Variants in FAM81A observed in about 807,000 individuals in gnomAD.
The protein encoded by FAM81A is protein FAM81A.
FAM81A carries 19 observed loss-of-function variants against 46.7 expected under a neutral mutation model. The ratio of observed to expected loss-of-function variants is 0.41; its 90% CI spans 0.28 to 0.60. The LOEUF (loss-of-function observed/expected upper bound fraction) is 0.60, where lower values mean the gene tolerates loss of function less well. FAM81A is among the 20% of genes least tolerant of loss of function. The pLI is 0.34. For synonymous variants in FAM81A, 183 were observed against 152.9 expected (o/e 1.20, Z -1.45); for missense variants, 377 against 453.5 (o/e 0.83, Z 1.53).
At chr15:59,478,021 T>C (rs1337406830) in intron 3 of FAM81A, among the ~76,000 whole-genome samples, 1 of 152,206 alleles carries the variant, frequency 6.6e-6, no homozygotes, top group Non-Finnish European at 1.5e-5. Context: ...CTGTCTTTGG[T>C]TTAAGCCGTT....
At chr15:59,412,612 A>C (rs2081126514) in intron 2 of FAM81A, among the ~76,000 whole-genome samples, 1 of 151,884 alleles carries the variant, frequency 6.6e-6, no homozygotes. Flanking sequence ...CTGTAGTCCC[A>C]GCTATTCTGG....
chr15:59,488,321 A>G (rs1422793994), intron 3 of FAM81A, among the ~76,000 whole-genome samples: 1 of 152,226 alleles, frequency 6.6e-6, no homozygotes, highest in African/African-American at 2.4e-5. Context: ...AATATACTAA[A>G]TGGAGAAGAC....
chr15:59,515,016 G>A (rs1199088105), intron 7 of FAM81A, among the ~76,000 whole-genome samples: 5 of 152,088 alleles, frequency 3.3e-5, no homozygotes, highest in South Asian at 2.1e-4. Flanking sequence ...AGGCTGAGGC[G>A]GGAGGATCGC....
chr15:59,444,954 G>A (rs1031704392), intron 1 of FAM81A, among the ~76,000 whole-genome samples: 3 of 152,224 alleles, frequency 2.0e-5, no homozygotes, highest in African/African-American at 4.8e-5. Context: ...ATGGTTTATC[G>A]GAAGGAACAT....
chr15:59,473,992 A>G (rs544498779), intron 3 of FAM81A, among the ~76,000 whole-genome samples: 1 of 152,284 alleles, frequency 6.6e-6, no homozygotes, highest in Admixed American at 6.5e-5. Flanking sequence ...CATTTTAAAT[A>G]CATAATTTCC....
At chr15:59,480,165 T>A (rs566838934) in intron 3 of FAM81A, among the ~76,000 whole-genome samples, 22 of 152,322 alleles carry the variant, frequency 1.4e-4, no homozygotes, top group Middle Eastern at 3.4e-3. Context: ...GAAGGCAATT[T>A]GATATATGAG....
chr15:59,433,699 A>T (rs185916641), upstream of FAM81A, among the ~76,000 whole-genome samples: 295 of 152,362 alleles, frequency 1.9e-3, 2 homozygotes, highest in African/African-American at 6.8e-3. Flanking sequence ...GCAACAAAGA[A>T]ACCGATAAAG....
chr15:59,438,698 C>G (rs1386304262), intron 1 of FAM81A: 1 of 152,236 alleles, frequency 6.6e-6, no homozygotes, highest in Non-Finnish European at 1.5e-5. Flanking sequence ...GCTAGGGGGT[C>G]TTTGCAGTTC....
rs201199979 is a variant in FAM81A at position 59,428,681 on chromosome 15, A to AATGC, written c.-78+26325_-78+26328dup. Among the ~76,000 whole-genome samples, 171 of 123,658 alleles carry AATGC rather than the reference A, an allele frequency of 1.4e-3. 4 individuals carry two copies. The East Asian group carries it at 0.038, about 28-fold the overall frequency. The allele number at this position is 123,658 out of a possible 152,430, so 81.1% of individuals were successfully genotyped here. ...TGTCTCACTCTGTCACCCAGGGTGG[A>AATGC]ATGCAGTGGTACAATCTCGGCTCAT... On this transcript the variant is annotated intron_variant, in intron 2 of 4. Coordinates refer to the FAM81A transcript ENST00000558348.
At chr15:59,408,605 G>A (rs1229313998) in intron 2 of FAM81A, among the ~76,000 whole-genome samples, 1 of 152,144 alleles carries the variant, frequency 6.6e-6, no homozygotes, top group Non-Finnish European at 1.5e-5. Context: ...AAGGCAGGTG[G>A]ATTACGAGGT....
intron 1 of FAM81A, among the ~76,000 whole-genome samples, chr15:59,440,635 C>G (rs1178763632): frequency 6.6e-6 from 1 of 152,124 alleles, no homozygotes; most frequent in African/African-American, 2.4e-5. Flanking sequence ...AAGACTAAAC[C>G]TTTGAGATCT....
chr15:59,486,069 C>G (rs1167980567), intron 3 of FAM81A, among the ~76,000 whole-genome samples: 3 of 152,060 alleles, frequency 2.0e-5, no homozygotes, highest in Non-Finnish European at 4.4e-5. Flanking sequence ...ATCCCAGCTA[C>G]TCAGGAGGCT....
chr15:59,437,665 C>T (rs1455490922), upstream of FAM81A, among the ~76,000 whole-genome samples: 5 of 152,120 alleles, frequency 3.3e-5, no homozygotes, highest in Non-Finnish European at 7.4e-5. Context: ...TGGGGCGTCA[C>T]CGTGGCCTAA....
At chr15:59,409,490 A>C (rs2081111277) in intron 2 of FAM81A, among the ~76,000 whole-genome samples, 1 of 152,088 alleles carries the variant, frequency 6.6e-6, no homozygotes, top group Non-Finnish European at 1.5e-5. Flanking sequence ...GCAGGAACAA[A>C]GTCTTTTCAA....
chr15:59,519,371 T>G (rs1355569583), intron 8 of FAM81A, among the ~76,000 whole-genome samples: 2 of 151,990 alleles, frequency 1.3e-5, no homozygotes, highest in African/African-American at 2.4e-5. Flanking sequence ...GTATTTTTAG[T>G]AGAGATGGAG....
intron 4 of FAM81A, among the ~76,000 whole-genome samples, chr15:59,498,148 C>T (rs139196546): frequency 6.6e-5 from 10 of 152,332 alleles, no homozygotes; most frequent in African/African-American, 2.4e-4. Context: ...CCATGCCTGG[C>T]CCCAAAATTC....
intron 3 of FAM81A, among the ~76,000 whole-genome samples, chr15:59,465,898 A>C (rs1346258407): frequency 2.6e-5 from 4 of 151,942 alleles, no homozygotes; most frequent in African/African-American, 9.7e-5. Context: ...CCATGTGTCC[A>C]AGTGATCTCA....
At chr15:59,431,857 T>C (rs1231751661) in intron 2 of FAM81A, among the ~76,000 whole-genome samples, 1 of 152,336 alleles carries the variant, frequency 6.6e-6, no homozygotes, top group Non-Finnish European at 1.5e-5. Context: ...GATGAAAACC[T>C]ACTACGTGAC....
Position 59,452,415 on chromosome 15 carries a change from G to A in FAM81A, c.-77-6135G>A, listed in dbSNP as rs376112553. Among the ~76,000 whole-genome samples, 25 of 152,318 alleles carry A rather than the reference G, an allele frequency of 1.6e-4. 1 individual carries two copies. In the South Asian group the frequency reaches 5.2e-3, roughly 32 times the overall value. On this transcript the variant is annotated intron_variant, in intron 1 of 8. Transcript: ENST00000288228. ...TAATTCCAGCACTTTGGGAGGCCAA[G>A]GTGGGAGGATTACTTGAGGCTGGGA...
Sources: allele counts gnomAD v4.1 joint callset (sites outside exome capture counted in the v4.1 genomes callset), GRCh38; gene constraint gnomAD v4.1.1; transcripts MANE v1.5; gene names NCBI Gene and HGNC (gene_info 2026-07-23, HGNC 2026-07-21).